Variants in ASIC2 observed in about 807,000 individuals in gnomAD.
ASIC2 encodes the protein acid-sensing ion channel 2.
Under a neutral mutation model 57.3 loss-of-function variants are expected in ASIC2, and 25 were observed. The observed-to-expected ratio is 0.44, with a 90% CI of 0.32 to 0.61. ASIC2 has a LOEUF of 0.61. Ranked by LOEUF, ASIC2 falls within the 20% of genes least tolerant of loss-of-function variation. ASIC2 has a pLI of 0.06. For missense variants in ASIC2, 641 were observed against 738.1 expected, an observed-to-expected ratio of 0.87 and a Z score of 1.52; for synonymous variants, 319 against 307.5, an observed-to-expected ratio of 1.04 and a Z score of -0.39.
At chr17:33,174,545 G>C (rs1431867579) in intron 1 of ASIC2, among the ~76,000 whole-genome samples, 1 of 152,130 alleles carries the variant, frequency 6.6e-6, no homozygotes, top group African/African-American at 2.4e-5. Context: ...CTTGGTTTTG[G>C]CCTTTGCGGA....
intron 1 of ASIC2, among the ~76,000 whole-genome samples, chr17:33,425,007 T>C (rs1032236565): frequency 1.3e-5 from 2 of 152,212 alleles, no homozygotes; most frequent in African/African-American, 2.4e-5. Flanking sequence ...TTATTAACCA[T>C]GTATTAAGTA....
At chr17:34,010,988 C>T (rs1478767042) in intron 1 of ASIC2, among the ~76,000 whole-genome samples, 1 of 139,152 alleles carries the variant, frequency 7.2e-6, no homozygotes, top group Non-Finnish European at 1.5e-5. Context: ...ACACACATAC[C>T]TCTAGTCAGA....
intron 1 of ASIC2, among the ~76,000 whole-genome samples, chr17:33,425,551 G>A (rs1911189664): frequency 6.6e-6 from 1 of 152,134 alleles, no homozygotes; most frequent in South Asian, 2.1e-4. Context: ...GAGGATGGAG[G>A]GATTGATTGC....
At chr17:33,610,382 C>T (rs1035021074) in intron 1 of ASIC2, among the ~76,000 whole-genome samples, 55 of 152,256 alleles carry the variant, frequency 3.6e-4, no homozygotes, top group African/African-American at 1.3e-3. Context: ...GTCTTGAACT[C>T]CTGACCTCAA....
At chr17:33,736,281 G>T (rs773874539) in intron 1 of ASIC2, among the ~76,000 whole-genome samples, 2 of 151,946 alleles carry the variant, frequency 1.3e-5, no homozygotes, top group South Asian at 2.1e-4. Context: ...GTGGGGTCTT[G>T]GTGGGTCAGC....
At chr17:33,301,782 A>G (rs1396492085) in intron 1 of ASIC2, among the ~76,000 whole-genome samples, 2 of 152,190 alleles carry the variant, frequency 1.3e-5, no homozygotes, top group Non-Finnish European at 2.9e-5. Context: ...TTTTCCCTCA[A>G]CTGGTCTGAG....
At chr17:33,674,124 A>G (rs1907733804) in intron 1 of ASIC2, among the ~76,000 whole-genome samples, 2 of 151,928 alleles carry the variant, frequency 1.3e-5, no homozygotes, top group Non-Finnish European at 2.9e-5. Context: ...TGATCTCTCG[A>G]CTTCGTGATC....
chr17:33,128,344 G>A (rs187552936), intron 1 of ASIC2, among the ~76,000 whole-genome samples: 8 of 152,316 alleles, frequency 5.3e-5, no homozygotes, highest in Admixed American at 1.3e-4. Context: ...CCCAATTGCT[G>A]CATATTTGTG....
chr17:33,430,881 A>C (rs149307464), intron 1 of ASIC2, among the ~76,000 whole-genome samples: 6 of 152,342 alleles, frequency 3.9e-5, no homozygotes, highest in African/African-American at 1.4e-4. Flanking sequence ...ATGGACATTT[A>C]TTAAATGTCC....
intron 1 of ASIC2, among the ~76,000 whole-genome samples, chr17:33,556,485 G>A (rs1040835727): frequency 6.6e-6 from 1 of 152,190 alleles, no homozygotes; most frequent in Non-Finnish European, 1.5e-5. Context: ...AGGAGCCACT[G>A]GATGACAATT....
intron 1 of ASIC2, among the ~76,000 whole-genome samples, chr17:34,097,034 G>A (rs954072190): frequency 6.6e-6 from 1 of 151,990 alleles, no homozygotes; most frequent in African/African-American, 2.4e-5. Context: ...GATGAGGCTA[G>A]TTTAAATAAG....
intron 1 of ASIC2, among the ~76,000 whole-genome samples, chr17:34,084,804 A>G (rs1171143676): frequency 6.6e-6 from 1 of 152,156 alleles, no homozygotes; most frequent in African/African-American, 2.4e-5. Context: ...CTTTGAAGCA[A>G]TTGTGAATGG....
intron 1 of ASIC2, among the ~76,000 whole-genome samples, chr17:33,272,545 T>C (rs895424046): frequency 3.3e-5 from 5 of 152,200 alleles, no homozygotes; most frequent in African/African-American, 1.2e-4. Context: ...AATCCTCTTA[T>C]CACATAAACC....
At chr17:33,963,909 C>T (rs1237677788) in intron 1 of ASIC2, among the ~76,000 whole-genome samples, 1 of 152,190 alleles carries the variant, frequency 6.6e-6, no homozygotes, top group Non-Finnish European at 1.5e-5. Flanking sequence ...CTAAATTTGG[C>T]ATTAGGAAAT....
At chr17:33,877,613 G>C (rs796665823) in intron 1 of ASIC2, among the ~76,000 whole-genome samples, 2 of 152,256 alleles carry the variant, frequency 1.3e-5, no homozygotes, top group African/African-American at 4.8e-5. Flanking sequence ...CAGCCGGGAA[G>C]CTCGAACTGG....
chr17:33,919,997 T>A (rs1480437697), intron 1 of ASIC2, among the ~76,000 whole-genome samples: 2 of 151,970 alleles, frequency 1.3e-5, no homozygotes, highest in African/African-American at 4.8e-5. Flanking sequence ...TCAGAAAGGC[T>A]ATAATTAAAA....
chr17:33,979,408 C>G (rs112231162), intron 1 of ASIC2, among the ~76,000 whole-genome samples: 2 of 152,160 alleles, frequency 1.3e-5, no homozygotes, highest in African/African-American at 4.8e-5. Context: ...CCCAGCCGAG[C>G]TCCACCAAGC....
Position 33,013,832 on chromosome 17 carries a change from T to G in ASIC2, c.*133A>C. On this transcript the variant is annotated 3_prime_UTR_variant, in exon 10 of 10. Coordinates refer to ENST00000225823, the MANE Select transcript of ASIC2 (RefSeq NM_183377.2). ...GCCGGAGCGAGGTCTAGGCAGCTAGTCTGCAATGTGTGCATAGGGGGCTCT... is the reference window on the plus strand; with the variant it reads ...GCCGGAGCGAGGTCTAGGCAGCTAGGCTGCAATGTGTGCATAGGGGGCTCT... 1.3e-6 allele frequency: 1 copy of G among 781,978 alleles called. No homozygotes were observed. Among genetic ancestry groups the G allele is most frequent in the East Asian group, 2.7e-5 (1 of 37,410 alleles). The allele number at this position is 781,978 out of a possible 1,614,324, so 48.4% of individuals were successfully genotyped here.
At chr17:33,884,615 G>C (rs7208289) in intron 1 of ASIC2, among the ~76,000 whole-genome samples, 92,102 of 151,850 alleles carry the variant, frequency 0.61, 28,067 homozygotes, top group South Asian at 0.67. Flanking sequence ...TATCCCTCCT[G>C]CTCTGCCTTA....
Sources: gnomAD v4.1 joint callset for allele counts (sites outside exome capture counted in the v4.1 genomes callset) on GRCh38, gnomAD v4.1.1 for gene constraint, MANE v1.5 for transcripts, NCBI Gene and HGNC (gene_info 2026-07-23, HGNC 2026-07-21) for gene names.